The following COPB2 variants were observed in gnomAD, a reference collection of about 807,000 sequenced individuals.
COPB2 encodes coatomer subunit beta'.
In COPB2, 16 loss-of-function variants were observed where a neutral mutation model predicts 120.8. The ratio of observed to expected loss-of-function variants is 0.13; its 90% CI spans 0.09 to 0.20. The LOEUF is 0.20. COPB2 is among the 10% of genes least tolerant of loss of function. The pLI is 1.00. For synonymous variants in COPB2, 332 were observed against 366.3 expected (o/e 0.91, Z 1.07); for missense variants, 794 against 1,076.5 (o/e 0.74, Z 3.67).
Position 139,357,810 on chromosome 3 carries a change from A to G in COPB2, c.*53T>C, listed in dbSNP as rs1354716693. 3.1e-6 allele frequency: 3 copies of G among 964,298 alleles called. No individual in the cohort carries two copies. The highest frequency in any genetic ancestry group is 2.5e-5 in the Admixed American group (1 of 40,242). The allele number at this position is 964,298 out of a possible 1,614,324, so 59.7% of individuals were successfully genotyped here. ...AGCACTGTGGTCAGGGTAGCAATCA[A>G]TACCTATATATAATAATGATCTGTT... On this transcript the variant is annotated 3_prime_UTR_variant, in exon 22 of 22. Transcript: ENST00000333188.
At chr3:139,370,048 G>C (rs1414260639) in intron 10 of COPB2, among the ~76,000 whole-genome samples, 1 of 152,176 alleles carries the variant, frequency 6.6e-6, no homozygotes, top group African/African-American at 2.4e-5. Context: ...CCTGGGACTG[G>C]GGAATGGGTG....
At chr3:139,373,548 G>A in intron 8 of COPB2, 118 bp downstream of exon 8, 1 of 1,509,546 alleles carries the variant, frequency 6.6e-7, no homozygotes, top group Non-Finnish European at 9.1e-7. Context: ...TTAATGTCTA[G>A]TGCTTAATGA....
At position 139,379,364 on chromosome 3, in the gene COPB2, C is replaced by A; in HGVS notation, c.228+16G>T. The A allele has an allele frequency of 6.2e-7, 1 of 1,609,278 alleles. No homozygotes were observed. Among genetic ancestry groups the A allele is most frequent in the Non-Finnish European group, 8.5e-7 (1 of 1,177,118 alleles). On this transcript the variant is annotated intron_variant, in intron 3 of 21. Coordinates refer to ENST00000333188, the MANE Select transcript of COPB2 (RefSeq NM_004766.3). The stretch of plus-strand genomic sequence containing the variant: ...AATTCAGAAAATGGGAATAGAGATT[C>A]ATATTAATTACTTACCGCTCCTGTC...
chr3:139,372,507 C>T (rs1941639144), intron 9 of COPB2, among the ~76,000 whole-genome samples: 1 of 152,170 alleles, frequency 6.6e-6, no homozygotes, highest in Non-Finnish European at 1.5e-5. Flanking sequence ...GGGAAATATG[C>T]ATAATGCATT....
At position 139,357,445 on chromosome 3, in the gene COPB2, A is replaced by ATGTGAT; in HGVS notation, c.*412_*417dup. The ATGTGAT allele has an allele frequency of 5.5e-6, 1 of 180,904 alleles. No individual in the cohort carries two copies. Among genetic ancestry groups the ATGTGAT allele is most frequent in the Non-Finnish European group, 1.1e-5 (1 of 87,056 alleles). The allele number at this position is 180,904 out of a possible 1,614,324, so 11.2% of individuals were successfully genotyped here. Reference sequence around the variant, plus strand: ...GCCTGGATATTCAGCTCTAAGAAAAATGTGATTGACAACATTTGAAAATGC... The same window carrying ATGTGAT: ...GCCTGGATATTCAGCTCTAAGAAAAATGTGATTGTGATTGACAACATTTGAAAATGC... On this transcript the variant is annotated 3_prime_UTR_variant, in exon 22 of 22. Transcript: ENST00000333188.
chr3:139,368,828 G>C (rs553945947), intron 12 of COPB2, among the ~76,000 whole-genome samples: 1 of 152,302 alleles, frequency 6.6e-6, no homozygotes, highest in South Asian at 2.1e-4. Context: ...TCTCCTGACA[G>C]TGAAAACTGT....
chr3:139,378,112 C>G lies in COPB2; in HGVS notation c.433G>C (p.Val145Leu), dbSNP rs754846971. The part of the protein sequence containing the change: ...SQVFEGHTHY[V>L]MQIVINPKDN... The stretch of plus-strand genomic sequence containing the variant: ...TTGGGGTTGATCACAATCTGCATAA[C>G]ATAATGGGTGTGTCCTTCAAACACT... The change falls in exon 5 of 22, where the codon GTT becomes CTT. Residue 145 changes from valine (V) to leucine (L), a missense_variant. Around this residue, in one of 3 missense-constraint regions of COPB2, gnomAD observed 610 missense variants for 866.7 expected, o/e 0.70. Coordinates refer to ENST00000333188, the MANE Select transcript of COPB2 (RefSeq NM_004766.3). 6.3e-7 allele frequency: 1 copy of G among 1,594,420 alleles called. No homozygotes were observed. The highest frequency in any genetic ancestry group is 1.1e-5 in the South Asian group (1 of 88,688).
rs138744497 is a variant in COPB2, at chr3:139,359,108, T to G, written c.2374A>C (p.Thr792Pro). 2.5e-6 allele frequency: 4 copies of G among 1,614,150 alleles called. No individual in the cohort carries two copies. Among genetic ancestry groups the G allele is most frequent in the Non-Finnish European group, 3.4e-6 (4 of 1,180,028 alleles). The change falls in exon 19 of 22, where the codon ACA (threonine) becomes CCA (proline). Residue 792 changes from threonine (T) to proline (P), a missense_variant. Physicochemically the swap from Thr to Pro is conservative, Grantham distance 38. Transcript: ENST00000333188. ...CCAGGGAACAGGTTTTCATACTCTG[T>G]TGGGTCAGCAAGGGATTCTGCTGCT... is the stretch of plus-strand genomic sequence containing the variant. ...QKAAESLADP[T>P]EYENLFPGLK...
chr3:139,385,486 T>C (rs1455329908), intron 1 of COPB2: 1 of 152,198 alleles, frequency 6.6e-6, no homozygotes, highest in African/African-American at 2.4e-5. Context: ...AGATTTATCT[T>C]GTCAAAAATA....
chr3:139,361,473 G>A (rs186511264), intron 16 of COPB2, among the ~76,000 whole-genome samples, 178 bp from the exon 17 acceptor site: 4 of 152,160 alleles, frequency 2.6e-5, no homozygotes, highest in Non-Finnish European at 4.4e-5. Context: ...AATTATTAAT[G>A]TATACAAAAT....
intron 1 of COPB2, among the ~76,000 whole-genome samples, chr3:139,387,265 AAAAAG>A (rs1336900990): frequency 6.7e-6 from 1 of 149,078 alleles, no homozygotes; most frequent in Admixed American, 6.6e-5. Context: ...GAAAGAAAAG[AAAAAG>A]AAAAGAAAGA....
In COPB2 at chr3:139,383,567, C is replaced by G. The variant is rs1270821391; in HGVS notation, c.4-132G>C. ...CTTTGCTAAGCTTTTGAAACAGTTTCAAGTCTAAGCACTTATTTCTTCATT... is the reference window on the plus strand; with the variant it reads ...CTTTGCTAAGCTTTTGAAACAGTTTGAAGTCTAAGCACTTATTTCTTCATT... On this transcript the variant is annotated intron_variant, in intron 1 of 21. Coordinates refer to ENST00000333188, the MANE Select transcript of COPB2 (RefSeq NM_004766.3). 3.9e-6 allele frequency: 3 copies of G among 768,322 alleles called. No individual in the cohort carries two copies. In the African/African-American group the frequency reaches 5.4e-5, roughly 14 times the overall value. 47.6% of individuals were successfully genotyped at this position (768,322 alleles called of 1,614,324 possible). A position where few individuals can be genotyped will look rare whatever the true frequency, so the allele number is the denominator to read the frequency against.
At chr3:139,376,482 GAAGAT>G (rs1195917846) in intron 5 of COPB2, among the ~76,000 whole-genome samples, 4 of 152,130 alleles carry the variant, frequency 2.6e-5, no homozygotes, top group Admixed American at 6.5e-5. Context: ...TATTGGAACT[GAAGAT>G]AAGACAATTA....
Position 139,372,593 on chromosome 3 carries a change from A to G in COPB2, c.1094+620T>C, listed in dbSNP as rs1941640561. Among the ~76,000 whole-genome samples the G allele has an allele frequency of 2.0e-5, 3 of 152,182 alleles. No individual in the cohort carries two copies. In the South Asian group the frequency reaches 6.2e-4, roughly 32 times the overall value. ...CTGAACTAGGCGGCATACTTGGTTT[A>G]TATCTTTTGTCTTTTTCAATACTCA... On this transcript the variant is annotated intron_variant, in intron 9 of 21. Coordinates refer to ENST00000333188, the MANE Select transcript of COPB2 (RefSeq NM_004766.3).
chr3:139,379,740 C>G (rs1941774502), intron 2 of COPB2: 1 of 342,342 alleles, frequency 2.9e-6, no homozygotes, highest in Non-Finnish European at 5.3e-6. Context: ...CCTCCCTTTT[C>G]CAGCCTCACC....
intron 1 of COPB2, among the ~76,000 whole-genome samples, chr3:139,387,266 AAAAGAAAAG>A (rs1405136559): frequency 1.6e-4 from 24 of 149,268 alleles, no homozygotes; most frequent in South Asian, 1.0e-3. Flanking sequence ...AAAGAAAAGA[AAAAGAAAAG>A]AAAGAAAAGA....
chr3:139,380,248 G>C (rs1255353092), intron 2 of COPB2: 1 of 152,040 alleles, frequency 6.6e-6, no homozygotes, highest in African/African-American at 2.4e-5. Context: ...CTGGCCTCAA[G>C]TGATCCACCC....
intron 2 of COPB2, chr3:139,379,709 T>A (rs10935322): frequency 0.44 from 187,444 of 425,834 alleles, 47,047 homozygotes; most frequent in Non-Finnish European, 0.54. Context: ...GTATTCCAGA[T>A]CCTCTGTGCT....
At chr3:139,383,173 T>C (rs1333352401) in intron 2 of COPB2, 125 bp downstream of exon 2, 2 of 1,093,182 alleles carry the variant, frequency 1.8e-6, no homozygotes, top group African/African-American at 1.5e-5. Context: ...TAAAATACTT[T>C]GTACCAACTT....
Sources: allele counts gnomAD v4.1 joint callset (sites outside exome capture counted in the v4.1 genomes callset), GRCh38; gene constraint gnomAD v4.1.1; regional missense constraint gnomAD v4.1.1; transcripts MANE v1.5; gene names NCBI Gene and HGNC (gene_info 2026-07-23, HGNC 2026-07-21).